The following PDE1A variants were observed in gnomAD, a reference collection of about 807,000 sequenced individuals.
PDE1A encodes phosphodiesterase 1A.
In PDE1A, 35 loss-of-function variants were observed where a neutral mutation model predicts 61.7. The observed-to-expected ratio is 0.57, with a 90% CI of 0.43 to 0.75. The LOEUF is 0.75. Ranked by LOEUF, PDE1A falls within the 30% of genes least tolerant of loss-of-function variation. The pLI is 0.00. For synonymous variants in PDE1A, 232 were observed against 213.2 expected, an observed-to-expected ratio of 1.09 and a Z score of -0.77; for missense variants, 597 against 630.6, an observed-to-expected ratio of 0.95 and a Z score of 0.57.
At chr2:182,238,474 A>G (rs1690246377) in intron 3 of PDE1A, among the ~76,000 whole-genome samples, 1 of 152,092 alleles carries the variant, frequency 6.6e-6, no homozygotes, top group Admixed American at 6.5e-5. Flanking sequence ...GAGTGGATTC[A>G]GAATGCATTT....
At chr2:182,583,524 T>C in the PDE1A span, among the ~76,000 whole-genome samples, 2 of 152,188 alleles carry the variant, frequency 1.3e-5, no homozygotes, top group Admixed American at 6.5e-5. Context: ...CATGAAGATA[T>C]GGAAAGTTTA....
At chr2:182,159,544 T>A (rs1342836809) in intron 13 of PDE1A, among the ~76,000 whole-genome samples, 1 of 152,236 alleles carries the variant, frequency 6.6e-6, no homozygotes, top group Non-Finnish European at 1.5e-5. Context: ...TTGTCATGAG[T>A]TAAGCATAAT....
Position 182,436,483 on chromosome 2 carries a change from G to A in PDE1A, c.101+85793C>T, listed in dbSNP as rs114721876. Reference sequence around the variant, plus strand: ...TATTGCATCATCTACTGCATGGCTCGATACCAGAAGAGAATACTGGAAATC... The same window carrying A: ...TATTGCATCATCTACTGCATGGCTCAATACCAGAAGAGAATACTGGAAATC... On this transcript the variant is annotated intron_variant, in intron 2 of 14. Coordinates refer to the PDE1A transcript ENST00000410103. 8.2e-3 allele frequency among the ~76,000 whole-genome samples: 1,253 copies of A among 152,018 alleles called. 14 individuals are homozygous for A. The highest frequency in any genetic ancestry group is 0.028 in the African/African-American group (1,170 of 41,516).
At chr2:182,214,255 C>A (rs1159147522) in intron 7 of PDE1A, among the ~76,000 whole-genome samples, 1 of 151,630 alleles carries the variant, frequency 6.6e-6, no homozygotes, top group East Asian at 1.9e-4. Context: ...AAAAGAGCTC[C>A]TGAAGGAAGC....
the PDE1A span, among the ~76,000 whole-genome samples, chr2:182,571,558 A>G: frequency 2.6e-5 from 4 of 152,070 alleles, no homozygotes; most frequent in Non-Finnish European, 5.9e-5. Context: ...AAATTGGTAA[A>G]ATACAAGAAC....
intron 1 of PDE1A, among the ~76,000 whole-genome samples, chr2:182,360,428 C>T (rs1699432153): frequency 6.6e-6 from 1 of 151,690 alleles, no homozygotes; most frequent in Non-Finnish European, 1.5e-5. Context: ...GTGAGCGGGG[C>T]AGGGAGACCT....
chr2:182,178,308 G>A (rs1317439324), intron 13 of PDE1A, among the ~76,000 whole-genome samples: 3 of 152,098 alleles, frequency 2.0e-5, no homozygotes, highest in African/African-American at 7.2e-5. Flanking sequence ...CCTGGACATG[G>A]ATCTAGGTTT....
intron 1 of PDE1A, among the ~76,000 whole-genome samples, chr2:182,389,613 C>A (rs1445884229): frequency 6.6e-6 from 1 of 152,084 alleles, no homozygotes; most frequent in Non-Finnish European, 1.5e-5. Flanking sequence ...GTTAGAAGAG[C>A]TACTATCAAA....
At chr2:182,456,174 T>G (rs1213644234) in intron 2 of PDE1A, among the ~76,000 whole-genome samples, 1 of 152,054 alleles carries the variant, frequency 6.6e-6, no homozygotes, top group Non-Finnish European at 1.5e-5. Flanking sequence ...ACTAGTTCTT[T>G]CAGAGTGTGG....
the PDE1A span, among the ~76,000 whole-genome samples, chr2:182,705,021 G>A: frequency 6.6e-6 from 1 of 152,200 alleles, no homozygotes; most frequent in African/African-American, 2.4e-5. Flanking sequence ...CCTGGAGAAT[G>A]TGGCAAACCA....
chr2:182,647,190 A>C, the PDE1A span, among the ~76,000 whole-genome samples: 1 of 152,164 alleles, frequency 6.6e-6, no homozygotes, highest in Non-Finnish European at 1.5e-5. Context: ...CACCCCAGGA[A>C]GTCTCTTCTC....
intron 2 of PDE1A, among the ~76,000 whole-genome samples, chr2:182,446,515 T>C (rs901616520): frequency 1.3e-5 from 2 of 152,124 alleles, no homozygotes; most frequent in Non-Finnish European, 2.9e-5. Flanking sequence ...AGACTAAGTA[T>C]TCTGTGTCTA....
At chr2:182,281,796 G>A (rs1355003422) in intron 1 of PDE1A, among the ~76,000 whole-genome samples, 2 of 151,758 alleles carry the variant, frequency 1.3e-5, no homozygotes, top group African/African-American at 2.4e-5. Flanking sequence ...TGACTGGAAG[G>A]GAAAATATTT....
the PDE1A span, among the ~76,000 whole-genome samples, chr2:182,708,901 T>C: frequency 6.6e-6 from 1 of 152,188 alleles, no homozygotes; most frequent in African/African-American, 2.4e-5. Context: ...TTATTATAAC[T>C]AAAGTGCTTA....
chr2:182,597,114 T>C, the PDE1A span, among the ~76,000 whole-genome samples: 1 of 151,908 alleles, frequency 6.6e-6, no homozygotes, highest in Non-Finnish European at 1.5e-5. Flanking sequence ...ATCATGCCAC[T>C]GCATTCCAGC....
chr2:182,416,197 T>A (rs1418292053), intron 1 of PDE1A, among the ~76,000 whole-genome samples: 1 of 152,202 alleles, frequency 6.6e-6, no homozygotes, highest in East Asian at 1.9e-4. Flanking sequence ...CACCTACAAA[T>A]TATCATTATT....
intron 6 of PDE1A, among the ~76,000 whole-genome samples, chr2:182,226,488 C>T (rs1689153504): frequency 6.7e-6 from 1 of 149,968 alleles, no homozygotes; most frequent in Non-Finnish European, 1.5e-5. Context: ...TTTAAAAACA[C>T]ATCTACTTTG....
Position 182,215,425 on chromosome 2 carries a change from C to A in PDE1A, c.776+8439G>T, listed in dbSNP as rs1007173830. ...AGAAATAACTAAGATCAGAGCAGAA[C>A]TGAAGGAAATAGAGACATAAAAAAC... is the stretch of plus-strand genomic sequence containing the variant. On this transcript the variant is annotated intron_variant, in intron 7 of 13. Transcript: ENST00000351439. 1.3e-3 allele frequency among the ~76,000 whole-genome samples: 183 copies of A among 146,192 alleles called. 1 individual carries two copies. The highest frequency in any genetic ancestry group is 2.3e-3 in the Admixed American group (34 of 14,594).
chr2:182,291,787 G>A (rs1296525406), intron 1 of PDE1A, among the ~76,000 whole-genome samples: 1 of 152,084 alleles, frequency 6.6e-6, no homozygotes. Context: ...TGCCGAAAGG[G>A]CATTGCTGAA....
Sources: allele counts gnomAD v4.1 joint callset (sites outside exome capture counted in the v4.1 genomes callset), GRCh38; gene constraint gnomAD v4.1.1; transcripts MANE v1.5; gene names NCBI Gene and HGNC (gene_info 2026-07-23, HGNC 2026-07-21).